The following DNMBP variants were observed in gnomAD, a reference collection of about 807,000 sequenced individuals.
The protein encoded by DNMBP is dynamin binding protein, also known as dynamin-binding protein.
In DNMBP, 87 loss-of-function variants were observed where a neutral mutation model predicts 150.0. The ratio of observed to expected loss-of-function variants is 0.58; its 90% CI spans 0.49 to 0.69. The LOEUF (loss-of-function observed/expected upper bound fraction) is 0.69. Ranked by LOEUF, DNMBP falls within the 30% of genes least tolerant of loss-of-function variation. The pLI is 0.00. For synonymous variants in DNMBP, 711 were observed against 750.4 expected (o/e 0.95, Z 0.86); for missense variants, 1,774 against 1,949.0 (o/e 0.91, Z 1.69).
rs140811303 is a variant in DNMBP at position 99,940,267 on chromosome 10, A to G, written c.2260+14947T>C. Among the ~76,000 whole-genome samples, 1,283 of 152,318 alleles carry G rather than the reference A, an allele frequency of 8.4e-3. 18 individuals carry two copies. Among genetic ancestry groups the G allele is most frequent in the Middle Eastern group, 0.044 (13 of 294 alleles). On this transcript the variant is annotated intron_variant, in intron 4 of 16. Transcript: ENST00000324109. ...TTAGAGGTTAAGTGCACAGGCTTTG[A>G]TAGCCCTGGACTTAAATCCTGACTT...
chr10:99,878,947 C>T (rs1290467897), intron 16 of DNMBP, among the ~76,000 whole-genome samples: 2 of 150,962 alleles, frequency 1.3e-5, no homozygotes, highest in African/African-American at 4.9e-5. Context: ...ATAGGGAAAC[C>T]CTGTCTCTAA....
chr10:99,926,643 G>C (rs2040081602), intron 4 of DNMBP, among the ~76,000 whole-genome samples: 1 of 152,178 alleles, frequency 6.6e-6, no homozygotes, highest in Non-Finnish European at 1.5e-5. Flanking sequence ...TTCCAGTCTG[G>C]GGGCTCTGAA....
At chr10:100,004,282 T>C (rs887020772) in intron 1 of DNMBP, among the ~76,000 whole-genome samples, 1 of 150,974 alleles carries the variant, frequency 6.6e-6, no homozygotes, top group Non-Finnish European at 1.5e-5. Context: ...TATATGTATA[T>C]ATAATGTTTG....
rs1243198786 is a variant in DNMBP at position 99,955,538 on chromosome 10, G to A, written c.1936C>T (p.Pro646Ser). Residue 646 changes from proline to serine, a missense_variant, in exon 4 of 17, where the codon CCC becomes TCC. Physicochemically the swap from Pro to Ser is moderately conservative, Grantham distance 74. Coordinates refer to ENST00000324109, the MANE Select transcript of DNMBP (RefSeq NM_015221.4). ...CTCTGCTGTGCTGAGGGAGGCAGGG[G>A]AGCTGGGCGAGAGGGTCGCACCACC... ...PLVVRPSRPA[P>S]LPPSAQQRTN... 1.9e-6 allele frequency: 3 copies of A among 1,597,000 alleles called. No homozygotes were observed. The East Asian group carries it at 6.7e-5, about 36-fold the overall frequency.
At chr10:99,965,717 G>C (rs984709831) in intron 3 of DNMBP, among the ~76,000 whole-genome samples, 1 of 151,952 alleles carries the variant, frequency 6.6e-6, no homozygotes, top group Non-Finnish European at 1.5e-5. Context: ...GGCTGGTCTC[G>C]AACTCCTTAC....
intron 1 of DNMBP, among the ~76,000 whole-genome samples, chr10:99,990,929 T>C (rs1016365978): frequency 6.6e-6 from 1 of 152,054 alleles, no homozygotes; most frequent in Non-Finnish European, 1.5e-5. Flanking sequence ...TGGTTGTTTC[T>C]CTTCATCTCA....
intron 1 of DNMBP, among the ~76,000 whole-genome samples, chr10:99,974,083 G>A (rs2040704141): frequency 6.6e-6 from 1 of 152,104 alleles, no homozygotes; most frequent in Non-Finnish European, 1.5e-5. Context: ...GCAGTCAGGA[G>A]TTCAAGACCA....
chr10:99,929,546 G>A (rs1379289761), intron 4 of DNMBP: 3 of 607,310 alleles, frequency 4.9e-6, no homozygotes, highest in Non-Finnish European at 8.8e-6. Flanking sequence ...CTAGTACCTG[G>A]TATAACTACC....
At chr10:99,884,573 T>A (rs1030404720) in intron 14 of DNMBP, among the ~76,000 whole-genome samples, 3 of 152,172 alleles carry the variant, frequency 2.0e-5, no homozygotes, top group African/African-American at 7.2e-5. Context: ...CTATCTTGAC[T>A]TCCCCACCTG....
intron 6 of DNMBP, among the ~76,000 whole-genome samples, chr10:99,900,640 AT>A (rs1223146869): frequency 6.7e-6 from 1 of 149,324 alleles, no homozygotes; most frequent in Non-Finnish European, 1.5e-5. Flanking sequence ...TCAGTTTCTT[AT>A]TTTTTTTTCC....
At chr10:99,925,328 TTCTCTGAGCTCTA>T (rs2040067010) in intron 4 of DNMBP, among the ~76,000 whole-genome samples, 1 of 152,200 alleles carries the variant, frequency 6.6e-6, no homozygotes, top group African/African-American at 2.4e-5. Flanking sequence ...ACATTTCAAT[TTCTCTGAGCTCTA>T]TCTCTTCATT....
At chr10:99,943,199 C>T (rs767645876) in intron 4 of DNMBP, among the ~76,000 whole-genome samples, 3 of 151,880 alleles carry the variant, frequency 2.0e-5, no homozygotes, top group Non-Finnish European at 2.9e-5. Context: ...GCAGAAGAAT[C>T]GCTTGAACCC....
At chr10:99,909,178 C>G in intron 4 of DNMBP, 32 bp from the exon 5 acceptor site, 1 of 1,582,086 alleles carries the variant, frequency 6.3e-7, no homozygotes, top group Non-Finnish European at 8.6e-7. Flanking sequence ...GTTAGCAGCT[C>G]TGGGTGTAAA....
chr10:99,920,079 A>T (rs1012256993), intron 4 of DNMBP, among the ~76,000 whole-genome samples: 13 of 145,798 alleles, frequency 8.9e-5, no homozygotes, highest in South Asian at 2.2e-4. Context: ...CTATATTTCC[A>T]TTTTTTTTTT....
chr10:99,916,991 ACT>A (rs2039971303), intron 4 of DNMBP, among the ~76,000 whole-genome samples: 3 of 151,338 alleles, frequency 2.0e-5, no homozygotes, highest in South Asian at 2.1e-4. Flanking sequence ...ACAGAGTGAG[ACT>A]CTGTCTCAAT....
intron 4 of DNMBP, among the ~76,000 whole-genome samples, chr10:99,934,075 G>C (rs546719131): frequency 1.5e-4 from 23 of 152,252 alleles, no homozygotes; most frequent in African/African-American, 5.3e-4. Flanking sequence ...CCAAGGGATA[G>C]GGAATCATAA....
intron 4 of DNMBP, among the ~76,000 whole-genome samples, chr10:99,934,707 G>T (rs2490938): frequency 0.031 from 3,078 of 99,712 alleles, 125 homozygotes; most frequent in Middle Eastern, 0.052. Context: ...TGATTTGTCA[G>T]GAATCATTTG....
intron 8 of DNMBP, 155 bp from the exon 9 acceptor site, chr10:99,898,440 TC>T: frequency 1.4e-6 from 1 of 718,232 alleles, no homozygotes; most frequent in Non-Finnish European, 2.4e-6. Context: ...TGCTCTCTAT[TC>T]TTTTACCCTA....
intron 1 of DNMBP, among the ~76,000 whole-genome samples, chr10:100,006,006 A>G (rs760028952): frequency 2.6e-4 from 40 of 152,180 alleles, no homozygotes; most frequent in Non-Finnish European, 4.9e-4. Context: ...AACTCTTATG[A>G]CCTACGATAA....
Sources: allele counts gnomAD v4.1 joint callset (sites outside exome capture counted in the v4.1 genomes callset), GRCh38; gene constraint gnomAD v4.1.1; transcripts MANE v1.5; gene names NCBI Gene and HGNC (gene_info 2026-07-23, HGNC 2026-07-21).